The following NRG1 variants were observed in gnomAD, a reference collection of about 807,000 sequenced individuals.
NRG1 encodes the protein pro-neuregulin-1, membrane-bound isoform.
In NRG1, 18 loss-of-function variants were observed where a neutral mutation model predicts 63.8. That is an observed-to-expected ratio of 0.28 (90% confidence interval 0.19 to 0.42). The LOEUF (loss-of-function observed/expected upper bound fraction) is 0.42. Ranked by LOEUF, NRG1 falls within the 10% of genes least tolerant of loss-of-function variation. The pLI is 1.00. For missense variants in NRG1, 762 were observed against 814.7 expected, an observed-to-expected ratio of 0.94 and a Z score of 0.79; for synonymous variants, 302 against 301.3, an observed-to-expected ratio of 1.00 and a Z score of -0.02.
intron 1 of NRG1, among the ~76,000 whole-genome samples, chr8:32,309,054 T>A (rs183998816): frequency 6.8e-4 from 103 of 152,302 alleles, no homozygotes; most frequent in African/African-American, 2.2e-3. Context: ...GAGTGAAGGA[T>A]GTGCCATCCC....
intron 1 of NRG1, among the ~76,000 whole-genome samples, chr8:31,955,828 G>T (rs994536386): frequency 6.6e-6 from 1 of 151,860 alleles, no homozygotes; most frequent in Non-Finnish European, 1.5e-5. Flanking sequence ...CTTGAGCCCA[G>T]GAGTTCGAGA....
intron 1 of NRG1, among the ~76,000 whole-genome samples, chr8:32,553,809 G>C (rs1378165521): frequency 6.6e-6 from 1 of 152,126 alleles, no homozygotes; most frequent in Non-Finnish European, 1.5e-5. Context: ...TTGAGTGCAG[G>C]TGTTTCTAAA....
intron 1 of NRG1, among the ~76,000 whole-genome samples, chr8:32,151,987 T>C (rs1373814454): frequency 6.6e-6 from 1 of 152,182 alleles, no homozygotes; most frequent in Non-Finnish European, 1.5e-5. Flanking sequence ...TATCAGTGAG[T>C]TAGGCGAAGT....
intron 1 of NRG1, among the ~76,000 whole-genome samples, chr8:32,133,246 G>T (rs1027070391): frequency 6.6e-6 from 1 of 152,060 alleles, no homozygotes; most frequent in African/African-American, 2.4e-5. Context: ...GTGGTGTGCT[G>T]GTGTAACAAT....
At chr8:32,175,099 T>C (rs1431559308) in intron 1 of NRG1, among the ~76,000 whole-genome samples, 1 of 152,132 alleles carries the variant, frequency 6.6e-6, no homozygotes, top group Non-Finnish European at 1.5e-5. Context: ...ACTAGCAAAC[T>C]GAATCCAGCA....
chr8:32,759,981 G>A (rs1830401324), intron 10 of NRG1, among the ~76,000 whole-genome samples: 1 of 152,174 alleles, frequency 6.6e-6, no homozygotes, highest in South Asian at 2.1e-4. Context: ...GAGTGGACAA[G>A]TGAATATACT....
intron 1 of NRG1, among the ~76,000 whole-genome samples, chr8:31,913,730 T>C (rs1011111582): frequency 5.3e-5 from 8 of 152,184 alleles, no homozygotes; most frequent in Non-Finnish European, 1.0e-4. Flanking sequence ...CATTACGCCA[T>C]GGTGCCTTCC....
chr8:32,756,338 G>T, intron 8 of NRG1, 65 bp from the exon 9 acceptor site: 1 of 1,567,718 alleles, frequency 6.4e-7, no homozygotes, highest in South Asian at 1.2e-5. Context: ...GTAGAATAAA[G>T]ACTTGGCTCT....
At chr8:31,967,376 T>C (rs1806526872) in intron 1 of NRG1, among the ~76,000 whole-genome samples, 3 of 152,126 alleles carry the variant, frequency 2.0e-5, no homozygotes, top group Admixed American at 1.3e-4. Flanking sequence ...AAAGGAGACC[T>C]CTATAGTACA....
At chr8:31,665,257 C>G (rs1284398650) in intron 1 of NRG1, among the ~76,000 whole-genome samples, 3 of 152,186 alleles carry the variant, frequency 2.0e-5, no homozygotes, top group Non-Finnish European at 4.4e-5. Flanking sequence ...ATTGACAGGA[C>G]AAGTTATAGC....
intron 5 of NRG1, among the ~76,000 whole-genome samples, chr8:32,628,270 A>G (rs1350949988): frequency 6.6e-6 from 1 of 152,240 alleles, no homozygotes; most frequent in East Asian, 1.9e-4. Context: ...AAATTATTTA[A>G]GTGGCCATAA....
intron 1 of NRG1, among the ~76,000 whole-genome samples, chr8:32,091,972 T>C (rs1829225292): frequency 6.6e-6 from 1 of 152,092 alleles, no homozygotes; most frequent in Admixed American, 6.6e-5. Flanking sequence ...TGAAGCTTCA[T>C]GCCTGCCTTA....
At chr8:32,032,978 C>T (rs568470452) in intron 1 of NRG1, among the ~76,000 whole-genome samples, 125 of 152,044 alleles carry the variant, frequency 8.2e-4, no homozygotes, top group Non-Finnish European at 1.2e-3. Context: ...TTTCAATTTT[C>T]TGCATATGGC....
intron 6 of NRG1, among the ~76,000 whole-genome samples, chr8:32,730,225 A>G (rs913523306): frequency 6.6e-6 from 1 of 152,190 alleles, no homozygotes; most frequent in African/African-American, 2.4e-5. Context: ...AGGCAGACGG[A>G]TCTCTTGAGC....
chr8:32,555,512 C>T (rs1834953397), intron 1 of NRG1, among the ~76,000 whole-genome samples: 1 of 152,184 alleles, frequency 6.6e-6, no homozygotes, highest in African/African-American at 2.4e-5. Context: ...CACTGTGTCA[C>T]CCAGGCTGGA....
At chr8:31,739,443 G>C (rs1462854817) in intron 1 of NRG1, among the ~76,000 whole-genome samples, 2 of 151,864 alleles carry the variant, frequency 1.3e-5, no homozygotes, top group Non-Finnish European at 2.9e-5. Flanking sequence ...AGGTTATTTT[G>C]CTAAGTGGTT....
At chr8:32,574,918 C>T (rs1179871088) in intron 1 of NRG1, among the ~76,000 whole-genome samples, 1 of 152,196 alleles carries the variant, frequency 6.6e-6, no homozygotes. Flanking sequence ...AACCTTCAAT[C>T]CTGTTCAGAA....
At chr8:32,147,884 T>C (rs572762887) in intron 1 of NRG1, among the ~76,000 whole-genome samples, 1 of 152,136 alleles carries the variant, frequency 6.6e-6, no homozygotes, top group South Asian at 2.1e-4. Context: ...TGAATTTCTC[T>C]TGTTGTTTGA....
At chr8:32,577,951 G>A (rs1309685991) in intron 1 of NRG1, among the ~76,000 whole-genome samples, 1 of 152,124 alleles carries the variant, frequency 6.6e-6, no homozygotes, top group Non-Finnish European at 1.5e-5. Context: ...TTGCAGTAAG[G>A]AAGGCAGGTC....
Sources: gnomAD v4.1 joint callset for allele counts (sites outside exome capture counted in the v4.1 genomes callset) on GRCh38, gnomAD v4.1.1 for gene constraint, MANE v1.5 for transcripts, NCBI Gene and HGNC (gene_info 2026-07-23, HGNC 2026-07-21) for gene names.